The following FAAH2 variants were observed in gnomAD, a reference collection of about 807,000 sequenced individuals.
The protein encoded by FAAH2 is fatty acid amide hydrolase 2.
A neutral mutation model predicts 36.9 loss-of-function variants in FAAH2; 60 were observed. That is an observed-to-expected ratio of 1.63 (90% CI 1.32 to 2.02). The LOEUF is 2.02. Among genes scored for constraint, FAAH2 ranks in the 30% most tolerant of loss-of-function variants. The probability of loss-of-function intolerance (pLI) is 0.00; values close to 1 mark genes in which losing one functional copy is unlikely to be tolerated. For missense variants in FAAH2, 689 were observed against 397.5 expected, an observed-to-expected ratio of 1.73 and a Z score of -6.23; for synonymous variants, 214 against 143.8, an observed-to-expected ratio of 1.49 and a Z score of -3.49.
chrX:57,390,788 C>T (rs2055147303), intron 7 of FAAH2, among the ~76,000 whole-genome samples: 1 of 111,471 alleles, frequency 9.0e-6, no homozygotes. Flanking sequence ...AAACACAACA[C>T]ACAAGTTTAG....
the FAAH2 span, among the ~76,000 whole-genome samples, chrX:57,215,732 A>G: frequency 4.6e-5 from 5 of 109,863 alleles, no homozygotes; most frequent in African/African-American, 1.7e-4. Context: ...ACCAAACACC[A>G]CATGTTCTCA....
At chrX:57,335,026 C>A (rs2053508474) in intron 4 of FAAH2, among the ~76,000 whole-genome samples, 1 of 111,749 alleles carries the variant, frequency 8.9e-6, no homozygotes, top group Admixed American at 9.5e-5. Context: ...GAACTCTCCA[C>A]CCCCAAACAA....
rs753984830 is a variant in FAAH2 at position 57,331,596 on chromosome X, A to T, written c.413-2A>T. 8.3e-7 allele frequency: 1 copy of T among 1,202,446 alleles called. No homozygotes were observed. The highest frequency in any genetic ancestry group is 1.8e-5 in the South Asian group (1 of 55,803). On this transcript the variant is annotated splice_acceptor_variant, in intron 3 of 10. Coordinates refer to ENST00000374900, the MANE Select transcript of FAAH2 (RefSeq NM_174912.4). LOFTEE classifies it high-confidence loss of function. ...AAACATTCTTTTCTGTGACTCTTTT[A>T]GGAATGCCCAATTCTTCTGGACTCA... is the stretch of plus-strand genomic sequence containing the variant.
At chrX:57,128,301 C>T in the FAAH2 span, among the ~76,000 whole-genome samples, 1 of 111,276 alleles carries the variant, frequency 9.0e-6, no homozygotes, top group South Asian at 3.8e-4. Context: ...TGGCCTTCCC[C>T]CAGTATTCAT....
intron 6 of FAAH2, 78 bp downstream of exon 6, chrX:57,378,864 TAGACTTTC>T (rs1462162223): frequency 1.8e-6 from 2 of 1,097,838 alleles, no homozygotes; most frequent in Non-Finnish European, 2.4e-6. Context: ...GTCATAGAGG[TAGACTTTC>T]AGTCCTCAAG....
At chrX:57,150,936 G>T in the FAAH2 span, among the ~76,000 whole-genome samples, 32 of 112,161 alleles carry the variant, frequency 2.9e-4, no homozygotes, top group Admixed American at 2.1e-3. Flanking sequence ...TCCTTCAGGA[G>T]CTCTTTTAGG....
Position 57,488,819 on chromosome X carries a change from C to T in FAAH2, c.1486C>T (p.Leu496Phe), listed in dbSNP as rs770265047. The change falls in exon 11 of 11, where the codon CTC (leucine) becomes TTC (phenylalanine). Residue 496 changes from leucine to phenylalanine, a missense_variant. Physicochemically the swap from Leu to Phe is conservative, Grantham distance 22. Coordinates refer to ENST00000374900, the MANE Select transcript of FAAH2 (RefSeq NM_174912.4). ...CCCACTGGGACTGAATGCCAAAGGA[C>T]TCCCTTTAGGCATCCAGGTTGTGGC... is the stretch of plus-strand genomic sequence containing the variant. ...QCPLGLNAKG[L>F]PLGIQVVAGP... is the part of the protein sequence containing the mutation. 2 of 1,211,075 alleles carry T rather than the reference C, an allele frequency of 1.7e-6. No individual in the cohort carries two copies. The highest frequency in any genetic ancestry group is 3.5e-5 in the South Asian group (2 of 56,930).
At chrX:57,378,610 G>A in intron 5 of FAAH2, 41 bp from the exon 6 acceptor site, 1 of 1,205,745 alleles carries the variant, frequency 8.3e-7, no homozygotes, top group Non-Finnish European at 1.1e-6. Context: ...CAGGGATCAT[G>A]TCTTATTTTG....
At chrX:57,341,461 C>A in intron 5 of FAAH2, 71 bp downstream of exon 5, 2 of 1,089,034 alleles carry the variant, frequency 1.8e-6, no homozygotes, top group Non-Finnish European at 2.5e-6. Flanking sequence ...TTTGTTCTAG[C>A]AGGATTATCT....
chrX:57,488,441 C>T (rs2057514059), intron 10 of FAAH2, among the ~76,000 whole-genome samples: 1 of 111,416 alleles, frequency 9.0e-6, no homozygotes, highest in South Asian at 3.7e-4. Flanking sequence ...GAACTTTAGG[C>T]TATTATTCAC....
intron 5 of FAAH2, among the ~76,000 whole-genome samples, chrX:57,370,943 G>A (rs1466331486): frequency 3.6e-5 from 4 of 111,391 alleles, no homozygotes; most frequent in African/African-American, 6.5e-5. Context: ...GGGGATCACT[G>A]CTCTAGACCA....
intron 10 of FAAH2, among the ~76,000 whole-genome samples, chrX:57,469,663 C>T (rs1445070445): frequency 1.8e-5 from 2 of 111,540 alleles, no homozygotes; most frequent in Non-Finnish European, 3.8e-5. Flanking sequence ...GACTTTAACA[C>T]CCCACTGTCA....
chrX:57,488,844 C>A lies in FAAH2; in HGVS notation c.1511C>A (p.Ala504Asp). 8.3e-7 allele frequency: 1 copy of A among 1,211,235 alleles called. No homozygotes were observed. Among genetic ancestry groups the A allele is most frequent in the Non-Finnish European group, 1.1e-6 (1 of 895,357 alleles). ...KGLPLGIQVV[A>D]GPFNDHLTLA... ...CTCCCTTTAGGCATCCAGGTTGTGG[C>A]TGGACCCTTTAATGATCATCTGACC... The change falls in exon 11 of 11, where the codon GCT becomes GAT. Residue 504 changes from alanine to aspartate, a missense_variant. Ala to Asp is a moderately radical substitution (Grantham distance 126). Coordinates refer to ENST00000374900, the MANE Select transcript of FAAH2 (RefSeq NM_174912.4).
the FAAH2 span, among the ~76,000 whole-genome samples, chrX:57,173,697 G>A: frequency 1.8e-5 from 2 of 111,667 alleles, no homozygotes; most frequent in East Asian, 5.6e-4. Context: ...TATGATGTTG[G>A]CTGTGGGTTT....
At chrX:57,375,515 A>G (rs1478786445) in intron 5 of FAAH2, among the ~76,000 whole-genome samples, 1 of 110,088 alleles carries the variant, frequency 9.1e-6, no homozygotes, top group African/African-American at 3.3e-5. Flanking sequence ...ATGCTAGTAA[A>G]GGTGTTCATA....
At chrX:57,448,495 T>G (rs771380639) in intron 9 of FAAH2, 29 bp from the exon 10 acceptor site, 1 of 1,166,888 alleles carries the variant, frequency 8.6e-7, no homozygotes, top group Non-Finnish European at 1.2e-6. Flanking sequence ...GTTTATTACC[T>G]TAACTTGATA....
chrX:57,171,627 A>G, the FAAH2 span, among the ~76,000 whole-genome samples: 1 of 110,517 alleles, frequency 9.0e-6, no homozygotes, highest in South Asian at 3.8e-4. Context: ...TTTATTGCTG[A>G]TTTGTTCGAG....
chrX:57,317,498 G>A (rs2052876793), intron 3 of FAAH2, among the ~76,000 whole-genome samples: 1 of 111,885 alleles, frequency 8.9e-6, no homozygotes, highest in Non-Finnish European at 1.9e-5. Flanking sequence ...CAGTACGGGA[G>A]CACCCAGATT....
intron 5 of FAAH2, among the ~76,000 whole-genome samples, chrX:57,354,231 A>G (rs1459921464): frequency 1.2e-4 from 13 of 111,401 alleles, no homozygotes. Flanking sequence ...TGTGGTATAT[A>G]TACACAATGG....
Sources: gnomAD v4.1 joint callset for allele counts (sites outside exome capture counted in the v4.1 genomes callset) on GRCh38, gnomAD v4.1.1 for gene constraint, MANE v1.5 for transcripts, NCBI Gene and HGNC (gene_info 2026-07-23, HGNC 2026-07-21) for gene names.